The following CHD1 variants were observed in gnomAD, a reference collection of about 807,000 sequenced individuals.
CHD1 encodes the protein chromodomain helicase DNA binding protein 1.
In CHD1, 36 loss-of-function variants were observed where a neutral mutation model predicts 224.2. The observed-to-expected ratio is 0.16, with a 90% CI of 0.12 to 0.21. The LOEUF (loss-of-function observed/expected upper bound fraction) is 0.21, where lower values mean the gene tolerates loss of function less well. Among genes scored for constraint, CHD1 ranks in the 10% least tolerant of loss-of-function variants. The pLI is 1.00. For missense variants in CHD1, 1,378 were observed against 1,994.8 expected, an observed-to-expected ratio of 0.69 and a Z score of 5.89; for synonymous variants, 668 against 658.3, an observed-to-expected ratio of 1.01 and a Z score of -0.23.
chr5:98,902,500 G>A (rs991744418), intron 5 of CHD1, among the ~76,000 whole-genome samples: 1 of 151,838 alleles, frequency 6.6e-6, no homozygotes. Context: ...TGAGTTCTAC[G>A]GTATGAAGTA....
chr5:98,882,579 G>A (rs79031893), intron 19 of CHD1, among the ~76,000 whole-genome samples: 1 of 152,216 alleles, frequency 6.6e-6, no homozygotes, highest in African/African-American at 2.4e-5. Flanking sequence ...AATTGGTGTA[G>A]TAAATTTTCC....
intron 31 of CHD1, among the ~76,000 whole-genome samples, chr5:98,867,975 G>T (rs560059113): frequency 9.3e-5 from 14 of 151,028 alleles, no homozygotes; most frequent in African/African-American, 2.9e-4. Flanking sequence ...GTTAATTTTT[G>T]TTTTTTTTCT....
At chr5:98,924,977 C>CA (rs1038156256) in intron 2 of CHD1, among the ~76,000 whole-genome samples, 160 of 108,534 alleles carry the variant, frequency 1.5e-3, no homozygotes, top group Middle Eastern at 5.2e-3. Flanking sequence ...GACTCTGTCT[C>CA]AAAAAAAAAA....
intron 1 of CHD1, among the ~76,000 whole-genome samples, chr5:98,927,850 C>A (rs1470344124): frequency 6.6e-6 from 1 of 152,158 alleles, no homozygotes; most frequent in Non-Finnish European, 1.5e-5. Flanking sequence ...TCCTCTGAGA[C>A]CCTTTTCACA....
chr5:98,895,103 G>A (rs1030930146), intron 12 of CHD1, among the ~76,000 whole-genome samples: 3 of 152,182 alleles, frequency 2.0e-5, no homozygotes, highest in Non-Finnish European at 4.4e-5. Flanking sequence ...TTACAGGCAT[G>A]AGCCGGCATG....
At chr5:98,901,149 T>A (rs1751679758) in intron 6 of CHD1, 37 bp downstream of exon 6, 1 of 1,586,722 alleles carries the variant, frequency 6.3e-7, no homozygotes. Context: ...ACAAATACTT[T>A]CCACAATCAA....
Position 98,868,577 on chromosome 5 carries a change from G to A in CHD1, c.4166C>T (p.Ala1389Val), listed in dbSNP as rs1435235990. The change falls in exon 31 of 36, where the codon GCT becomes GTT. Residue 1389 changes from alanine to valine, a missense_variant. Physicochemically the swap from Ala to Val is moderately conservative, Grantham distance 64. Coordinates refer to ENST00000614616, the MANE Select transcript of CHD1 (RefSeq NM_001270.4). The part of the protein sequence containing the change: ...ERSKKSSVSD[A>V]PVHITASGEP... ...ACCACTTGCCGTGATATGAACTGGAGCATCTGACACTGAAGATTTCTTGGA... is the reference window on the plus strand; with the variant it reads ...ACCACTTGCCGTGATATGAACTGGAACATCTGACACTGAAGATTTCTTGGA... The A allele has an allele frequency of 1.2e-6, 2 of 1,611,242 alleles. No homozygotes were observed. The highest frequency in any genetic ancestry group is 4.5e-5 in the East Asian group (2 of 44,834).
At chr5:98,882,259 T>A in intron 19 of CHD1, 136 bp from the exon 20 acceptor site, 1 of 630,466 alleles carries the variant, frequency 1.6e-6, no homozygotes, top group Non-Finnish European at 2.6e-6. Flanking sequence ...AAATGAAAAT[T>A]TAAAAAACAT....
chr5:98,924,234 G>C (rs920569603), intron 2 of CHD1, among the ~76,000 whole-genome samples: 1 of 152,234 alleles, frequency 6.6e-6, no homozygotes. Context: ...CTGGGTGACA[G>C]AGTGAGGCCC....
intron 2 of CHD1, among the ~76,000 whole-genome samples, chr5:98,923,039 T>G (rs191342551): frequency 0.011 from 1,685 of 152,272 alleles, 29 homozygotes; most frequent in Middle Eastern, 0.034. Context: ...TTATAGAAAC[T>G]TTAGTTTTTT....
At chr5:98,920,414 G>A (rs1753015821) in intron 2 of CHD1, among the ~76,000 whole-genome samples, 2 of 152,110 alleles carry the variant, frequency 1.3e-5, no homozygotes, top group African/African-American at 2.4e-5. Context: ...ATGTCATGAG[G>A]ATAACATGTT....
At chr5:98,859,688 CTTGT>C (rs1748318290) in intron 33 of CHD1, among the ~76,000 whole-genome samples, 1 of 152,066 alleles carries the variant, frequency 6.6e-6, no homozygotes, top group Admixed American at 6.6e-5. Context: ...ACTTTGATCA[CTTGT>C]TTAAGGTGGG....
rs189246172 is a variant in CHD1 at position 98,872,040 on chromosome 5, T to C, written c.3861+11A>G. 2.1e-5 allele frequency: 34 copies of C among 1,584,072 alleles called. No individual in the cohort carries two copies. Among genetic ancestry groups the C allele is most frequent in the South Asian group, 8.1e-5 (7 of 86,382 alleles). On this transcript the variant is annotated intron_variant, in intron 28 of 35. Transcript: ENST00000614616. ...CATGAATGGTTAACAGAATCAGAAA[T>C]AGATAAATACCTTGTGTGTTAGACT...
rs1354900715 is a variant in CHD1, at chr5:98,887,150, G to A, written c.2496+938C>T. Among the ~76,000 whole-genome samples, 3 of 152,194 alleles carry A rather than the reference G, an allele frequency of 2.0e-5. No homozygotes were observed. In the East Asian group the frequency reaches 5.8e-4, roughly 29 times the overall value. On this transcript the variant is annotated intron_variant, in intron 17 of 35. Coordinates refer to ENST00000614616, the MANE Select transcript of CHD1 (RefSeq NM_001270.4). ...TAAATGAGTAAACTGTATGATATGG[G>A]AATTACGTATCAATAAAGGTGTTTT...
Position 98,909,608 on chromosome 5 carries a change from C to T in CHD1, c.54-4510G>A, listed in dbSNP as rs78529310. ...TCATCAGTTACCCAAAACATCTTTT[C>T]TTCATTACACTTCTGTAAAGAGAAA... On this transcript the variant is annotated intron_variant, in intron 2 of 35. Transcript: ENST00000614616. Among the ~76,000 whole-genome samples, 1,356 of 152,216 alleles carry T rather than the reference C, an allele frequency of 8.9e-3. 19 individuals carry two copies. The highest frequency in any genetic ancestry group is 0.031 in the African/African-American group (1,308 of 41,556).
At chr5:98,911,531 T>C (rs1475226691) in intron 2 of CHD1, among the ~76,000 whole-genome samples, 3 of 152,146 alleles carry the variant, frequency 2.0e-5, no homozygotes, top group Non-Finnish European at 4.4e-5. Context: ...TTCTCACAAA[T>C]TGCTTCTTAG....
At chr5:98,858,602 A>C (rs983102196) in intron 34 of CHD1, 2 of 513,428 alleles carry the variant, frequency 3.9e-6, no homozygotes, top group African/African-American at 3.8e-5. Context: ...ACAAAAACTA[A>C]AAAATATGGG....
rs923373355 is a variant in CHD1, at chr5:98,854,766, C to T, written c.*1614G>A. On this transcript the variant is annotated 3_prime_UTR_variant, in exon 36 of 36. Transcript: ENST00000614616. ...TATGGACAAATATCTGTAGGTTGCT[C>T]CCACAGCTAATTAACAGTGACACAC... 1 of 152,078 alleles carries T rather than the reference C, an allele frequency of 6.6e-6. No homozygotes were observed. Among genetic ancestry groups the T allele is most frequent in the Admixed American group, 6.5e-5 (1 of 15,268 alleles). 9.4% of individuals were successfully genotyped at this position (152,078 alleles called of 1,614,324 possible). A position where few individuals can be genotyped will look rare whatever the true frequency, so the allele number is the denominator to read the frequency against.
intron 2 of CHD1, among the ~76,000 whole-genome samples, chr5:98,920,975 C>G (rs548898143): frequency 6.6e-6 from 1 of 152,060 alleles, no homozygotes; most frequent in South Asian, 2.1e-4. Context: ...GGATTTAATC[C>G]TACAACAGAA....
Sources: allele counts gnomAD v4.1 joint callset (sites outside exome capture counted in the v4.1 genomes callset), GRCh38; gene constraint gnomAD v4.1.1; transcripts MANE v1.5; gene names NCBI Gene and HGNC (gene_info 2026-07-23, HGNC 2026-07-21).